R3HDM1: variants seen among roughly 807,000 people sequenced by gnomAD.
R3HDM1 encodes R3H domain-containing protein 1.
Under a neutral mutation model 141.1 loss-of-function variants are expected in R3HDM1, and 46 were observed. That is an observed-to-expected ratio of 0.33 (90% CI 0.26 to 0.42). The LOEUF (loss-of-function observed/expected upper bound fraction) is 0.42. Ranked by LOEUF, R3HDM1 falls within the 10% of genes least tolerant of loss-of-function variation. The pLI is 1.00. For synonymous variants in R3HDM1, 435 were observed against 472.9 expected, an observed-to-expected ratio of 0.92 and a Z score of 1.04; for missense variants, 1,184 against 1,368.3, an observed-to-expected ratio of 0.87 and a Z score of 2.12.
chr2:135,556,395 G>A (rs1243523894), intron 1 of R3HDM1, among the ~76,000 whole-genome samples: 2 of 152,134 alleles, frequency 1.3e-5, no homozygotes, highest in Non-Finnish European at 2.9e-5. Context: ...TAATATCTCA[G>A]TAGAGTGGTT....
At position 135,543,505 on chromosome 2, in the gene R3HDM1, A is replaced by G. The variant is rs1382373288; in HGVS notation, c.-250+11872A>G. The stretch of plus-strand genomic sequence containing the variant: ...TTAGGGTCAGGTTGCCAGTTTCTGC[A>G]AAGAAGCCAGCTTGGATTTTAATTG... On this transcript the variant is annotated intron_variant, in intron 1 of 26. Coordinates refer to ENST00000683871, the MANE Select transcript of R3HDM1 (RefSeq NM_001378107.1). 4.6e-5 allele frequency among the ~76,000 whole-genome samples: 7 copies of G among 151,978 alleles called. No individual in the cohort carries two copies. The East Asian group carries it at 1.3e-3, about 29-fold the overall frequency.
intron 24 of R3HDM1, 87 bp downstream of exon 24, chr2:135,715,781 C>G: frequency 6.8e-7 from 1 of 1,478,288 alleles, no homozygotes; most frequent in East Asian, 2.3e-5. Flanking sequence ...GTAATATTGC[C>G]TTTCTATTTT....
intron 1 of R3HDM1, among the ~76,000 whole-genome samples, chr2:135,543,862 G>A (rs1465562358): frequency 6.6e-6 from 1 of 152,172 alleles, no homozygotes; most frequent in Non-Finnish European, 1.5e-5. Context: ...AGGACCTCAT[G>A]AACTTTTTGA....
At chr2:135,716,170 C>T (rs1167625535) in intron 24 of R3HDM1, among the ~76,000 whole-genome samples, 1 of 152,180 alleles carries the variant, frequency 6.6e-6, no homozygotes, top group Non-Finnish European at 1.5e-5. Context: ...AGTGGTGGCA[C>T]ATGACTGTAG....
At chr2:135,706,668 A>G (rs1292750565) in intron 21 of R3HDM1, among the ~76,000 whole-genome samples, 1 of 152,182 alleles carries the variant, frequency 6.6e-6, no homozygotes, top group Admixed American at 6.5e-5. Flanking sequence ...GACACAGCAC[A>G]TGTTTCAGAG....
At chr2:135,601,031 T>C (rs2059582664) in intron 1 of R3HDM1, among the ~76,000 whole-genome samples, 1 of 152,172 alleles carries the variant, frequency 6.6e-6, no homozygotes, top group Non-Finnish European at 1.5e-5. Context: ...AATTACAAAA[T>C]TAAGAGATTC....
At chr2:135,562,732 C>T (rs527340069) in intron 1 of R3HDM1, among the ~76,000 whole-genome samples, 2 of 152,256 alleles carry the variant, frequency 1.3e-5, no homozygotes, top group African/African-American at 4.8e-5. Context: ...TACTTTAGTC[C>T]CATACTTTAT....
chr2:135,688,357 C>A (rs1358949161), intron 21 of R3HDM1, among the ~76,000 whole-genome samples: 2 of 152,108 alleles, frequency 1.3e-5, no homozygotes, highest in African/African-American at 4.8e-5. Context: ...TATGTGAGGC[C>A]ACTCTAGAAA....
intron 1 of R3HDM1, among the ~76,000 whole-genome samples, chr2:135,573,927 AT>A (rs1288612377): frequency 6.6e-6 from 1 of 152,190 alleles, no homozygotes; most frequent in Admixed American, 6.5e-5. Context: ...ATCTGAAAAA[AT>A]GAACATAAAT....
chr2:135,703,106 C>G (rs1049563846), intron 21 of R3HDM1, among the ~76,000 whole-genome samples: 1 of 152,024 alleles, frequency 6.6e-6, no homozygotes, highest in African/African-American at 2.4e-5. Context: ...TGATACCTAC[C>G]CTCCAATTTC....
intron 18 of R3HDM1, among the ~76,000 whole-genome samples, chr2:135,653,773 C>T (rs2105285141): frequency 6.6e-6 from 1 of 152,236 alleles, no homozygotes; most frequent in East Asian, 1.9e-4. Flanking sequence ...AATAAAAATA[C>T]AAAAATTAGC....
chr2:135,659,603 A>T (rs901664142), intron 18 of R3HDM1, among the ~76,000 whole-genome samples: 1 of 151,868 alleles, frequency 6.6e-6, no homozygotes. Flanking sequence ...ACACCTAGCT[A>T]ATTTTTTAAT....
rs150970102 is a variant in R3HDM1 at position 135,665,849 on chromosome 2, G to A, written c.2152+4456G>A. 1.4e-3 allele frequency among the ~76,000 whole-genome samples: 209 copies of A among 152,036 alleles called. 1 individual carries two copies. The highest frequency in any genetic ancestry group is 0.014 in the Middle Eastern group (4 of 294). ...TATATATGAAAGCATGACATCAAAC[G>A]GACCTAATACACCTAAATGCATTTG... On this transcript the variant is annotated intron_variant, in intron 19 of 26. Transcript: ENST00000683871.
chr2:135,616,999 T>C (rs1371769983), intron 5 of R3HDM1, among the ~76,000 whole-genome samples: 1 of 152,138 alleles, frequency 6.6e-6, no homozygotes, highest in African/African-American at 2.4e-5. Context: ...GAATGTGGCT[T>C]TAAGAAAGTT....
chr2:135,592,593 C>T (rs1039366114), intron 1 of R3HDM1, among the ~76,000 whole-genome samples: 1 of 152,086 alleles, frequency 6.6e-6, no homozygotes, highest in Non-Finnish European at 1.5e-5. Flanking sequence ...TCTTACATGC[C>T]TGTTATCTTA....
chr2:135,623,128 G>A, intron 7 of R3HDM1: 1 of 817,014 alleles, frequency 1.2e-6, no homozygotes, highest in Non-Finnish European at 1.5e-6. Flanking sequence ...GTTCCTTCTT[G>A]CTGAGTTTAT....
chr2:135,557,128 A>G (rs111248125), intron 1 of R3HDM1, among the ~76,000 whole-genome samples: 5 of 152,244 alleles, frequency 3.3e-5, no homozygotes, highest in Non-Finnish European at 5.9e-5. Flanking sequence ...TTAAACCTCT[A>G]TGAAGATCCA....
chr2:135,678,539 G>C (rs2069615377), intron 20 of R3HDM1, among the ~76,000 whole-genome samples: 1 of 151,614 alleles, frequency 6.6e-6, no homozygotes, highest in African/African-American at 2.4e-5. Context: ...CCTGAGGTCA[G>C]AAGTTTGAGA....
intron 21 of R3HDM1, among the ~76,000 whole-genome samples, chr2:135,693,861 C>T (rs528767527): frequency 1.3e-5 from 2 of 151,934 alleles, no homozygotes; most frequent in Non-Finnish European, 2.9e-5. Flanking sequence ...CAGAATTAGC[C>T]GGGCTTGGTG....
Sources: allele counts gnomAD v4.1 joint callset (sites outside exome capture counted in the v4.1 genomes callset), GRCh38; gene constraint gnomAD v4.1.1; transcripts MANE v1.5; gene names NCBI Gene and HGNC (gene_info 2026-07-23, HGNC 2026-07-21).